The following DAAM2 variants were observed in gnomAD, a reference collection of about 807,000 sequenced individuals.
DAAM2 encodes the protein dishevelled associated activator of morphogenesis 2.
DAAM2 carries 39 observed loss-of-function variants against 120.7 expected under a neutral mutation model. The ratio of observed to expected loss-of-function variants is 0.32; its 90% confidence interval spans 0.25 to 0.42. The LOEUF (loss-of-function observed/expected upper bound fraction) is 0.42, where lower values mean the gene tolerates loss of function less well. Ranked by LOEUF, DAAM2 falls within the 10% of genes least tolerant of loss-of-function variation. DAAM2 has a pLI of 1.00. For synonymous variants in DAAM2, 488 were observed against 524.9 expected, an observed-to-expected ratio of 0.93 and a Z score of 0.96; for missense variants, 1,283 against 1,401.7, an observed-to-expected ratio of 0.92 and a Z score of 1.35.
At chr6:39,849,312 G>A (rs1441246212) in intron 1 of DAAM2, among the ~76,000 whole-genome samples, 1 of 152,152 alleles carries the variant, frequency 6.6e-6, no homozygotes, top group Non-Finnish European at 1.5e-5. Flanking sequence ...TGTAATATCT[G>A]CCAAGCCCTA....
At chr6:39,862,805 C>CAAAAAAAAAAAAAAAAAAAAAAAAAAAAA in intron 3 of DAAM2, 1 of 50,634 alleles carries the variant, frequency 2.0e-5, no homozygotes, top group Non-Finnish European at 3.4e-5. Flanking sequence ...AACTCCATCT[C>CAAAAAAAAAAAAAAAAAAAAAAAAAAAAA]AAAAAAAAAA....
intron 21 of DAAM2, 119 bp from the exon 22 acceptor site, chr6:39,898,758 C>T: frequency 1.2e-6 from 1 of 832,498 alleles, no homozygotes; most frequent in East Asian, 2.7e-5. Context: ...AGGGCTGGAA[C>T]CCAGGCTCAC....
chr6:39,873,397 C>T (rs1764743095), intron 10 of DAAM2, 42 bp downstream of exon 10: 2 of 1,409,858 alleles, frequency 1.4e-6, no homozygotes, highest in Non-Finnish European at 2.0e-6. Context: ...CTGGCCTGAA[C>T]CTTGACTTGG....
intron 1 of DAAM2, among the ~76,000 whole-genome samples, chr6:39,803,610 C>A (rs1427622318): frequency 6.6e-6 from 1 of 152,166 alleles, no homozygotes; most frequent in African/African-American, 2.4e-5. Context: ...GAAGCAGAAA[C>A]TGTCAGGGTC....
rs1334170939 is a variant in DAAM2 at position 39,892,805 on chromosome 6, T to C, written c.2341+1083T>C. On this transcript the variant is annotated intron_variant, in intron 19 of 24. Transcript: ENST00000274867. ...ATTGAGATGCTTCAGGGATAGTCTA[T>C]GGATAGGGTGGAGCATGCAGAGCTA... Among the ~76,000 whole-genome samples, 3 of 152,226 alleles carry C rather than the reference T, an allele frequency of 2.0e-5. No homozygotes were observed. The East Asian group carries it at 5.8e-4, about 29-fold the overall frequency.
intron 1 of DAAM2, among the ~76,000 whole-genome samples, chr6:39,829,367 A>G (rs1033854031): frequency 4.6e-5 from 7 of 152,152 alleles, no homozygotes; most frequent in Non-Finnish European, 2.9e-5. Context: ...GTGGTGTGTG[A>G]TTCTTGCGGC....
At position 39,856,427 on chromosome 6, in the gene DAAM2, T is replaced by C; in HGVS notation, c.125T>C (p.Ile42Thr). Residue 42 changes from isoleucine to threonine, a missense_variant, in exon 2 of 25, where the codon ATC becomes ACC. By Grantham distance (89) the Ile-to-Thr change is moderately conservative. Coordinates refer to ENST00000274867, the MANE Select transcript of DAAM2 (RefSeq NM_001201427.2). ...CAGTTCATGGAGTTCTCCAGCCCCA[T>C]CCCGAACGCAGAGGAGCTCAACATC... ...PLQFMEFSSP[I>T]PNAEELNIRF... is the part of the protein sequence containing the mutation. 1 of 1,515,790 alleles carries C rather than the reference T, an allele frequency of 6.6e-7. No homozygotes were observed. The highest frequency in any genetic ancestry group is 1.3e-5 in the South Asian group (1 of 76,604). 93.9% of individuals were successfully genotyped at this position (1,515,790 alleles called of 1,614,324 possible).
At chr6:39,892,713 C>T (rs919093542) in intron 19 of DAAM2, among the ~76,000 whole-genome samples, 1 of 152,272 alleles carries the variant, frequency 6.6e-6, no homozygotes, top group East Asian at 1.9e-4. Flanking sequence ...GCACCCCCTG[C>T]TGGACACCAG....
chr6:39,821,209 C>T (rs1220570999), intron 1 of DAAM2: 2 of 152,316 alleles, frequency 1.3e-5, no homozygotes, highest in Non-Finnish European at 2.9e-5. Flanking sequence ...GTGGCCCTGC[C>T]TCCCTTGCTA....
chr6:39,794,653 CT>C (rs1420019234), intron 1 of DAAM2, among the ~76,000 whole-genome samples: 2 of 152,146 alleles, frequency 1.3e-5, no homozygotes, highest in African/African-American at 4.8e-5. Context: ...TCTCCCCAGT[CT>C]TCTTTCCCGA....
At chr6:39,900,412 C>T (rs1033781711) in intron 23 of DAAM2, among the ~76,000 whole-genome samples, 1 of 152,180 alleles carries the variant, frequency 6.6e-6, no homozygotes, top group Non-Finnish European at 1.5e-5. Flanking sequence ...ATATCAGGCA[C>T]CATGTTAAGT....
chr6:39,805,557 A>ATTT (rs35097341), intron 1 of DAAM2, among the ~76,000 whole-genome samples: 7 of 142,578 alleles, frequency 4.9e-5, no homozygotes, highest in African/African-American at 1.3e-4. Flanking sequence ...TCCTAAGGTT[A>ATTT]TTTTTTTTTT....
intron 1 of DAAM2, among the ~76,000 whole-genome samples, chr6:39,802,657 G>A (rs1387432059): frequency 6.6e-6 from 1 of 152,078 alleles, no homozygotes; most frequent in Non-Finnish European, 1.5e-5. Context: ...ATACATCCCA[G>A]TGCCTTTTGC....
intron 1 of DAAM2, among the ~76,000 whole-genome samples, chr6:39,842,121 G>T (rs1763363563): frequency 6.6e-6 from 1 of 152,174 alleles, no homozygotes; most frequent in African/African-American, 2.4e-5. Context: ...TGCCTTCATG[G>T]ATTGAAGGAC....
At chr6:39,831,691 TG>T (rs2114198559) in intron 1 of DAAM2, among the ~76,000 whole-genome samples, 1 of 107,704 alleles carries the variant, frequency 9.3e-6, no homozygotes, top group East Asian at 2.5e-4. Context: ...TCCAGGTCTG[TG>T]GCCTGGGGGG....
At chr6:39,879,748 A>G in intron 14 of DAAM2, 1 of 558,430 alleles carries the variant, frequency 1.8e-6, no homozygotes, top group Admixed American at 3.0e-5. Context: ...GGGTTAATGG[A>G]GTCACAGCCA....
At chr6:39,826,459 G>A (rs1762676017) in intron 1 of DAAM2, among the ~76,000 whole-genome samples, 1 of 152,006 alleles carries the variant, frequency 6.6e-6, no homozygotes, top group African/African-American at 2.4e-5. Flanking sequence ...TAGGGTTTTG[G>A]GGGACTCTCG....
At chr6:39,815,975 A>AGTGGAGCC (rs1762297825) in intron 1 of DAAM2, among the ~76,000 whole-genome samples, 1 of 152,206 alleles carries the variant, frequency 6.6e-6, no homozygotes, top group Non-Finnish European at 1.5e-5. Context: ...GACAACTTCT[A>AGTGGAGCC]AAGAATGGAC....
chr6:39,880,845 T>C (rs2149333911), intron 14 of DAAM2, among the ~76,000 whole-genome samples: 1 of 152,326 alleles, frequency 6.6e-6, no homozygotes, highest in Non-Finnish European at 1.5e-5. Context: ...TTGAGGTTGG[T>C]GACAGGTGCA....
Sources: gnomAD v4.1 joint callset for allele counts (sites outside exome capture counted in the v4.1 genomes callset) on GRCh38, gnomAD v4.1.1 for gene constraint, MANE v1.5 for transcripts, NCBI Gene and HGNC (gene_info 2026-07-23, HGNC 2026-07-21) for gene names.